MGAM2: variants seen among roughly 807,000 people sequenced by gnomAD.
MGAM2 encodes the protein probable maltase-glucoamylase 2.
Under a neutral mutation model 96.1 loss-of-function variants are expected in MGAM2, and 98 were observed. The ratio of observed to expected loss-of-function variants is 1.02; its 90% CI spans 0.87 to 1.21. MGAM2 has a LOEUF of 1.21. MGAM2 is among the 50% of genes most tolerant of loss of function. The pLI, the probability that MGAM2 is intolerant of heterozygous loss-of-function variation, is 0.00. For synonymous variants in MGAM2, 749 were observed against 414.8 expected (o/e 1.81, Z -9.79); for missense variants, 2,055 against 1,182.4 (o/e 1.74, Z -10.82).
At chr7:142,208,257 A>G (rs1187878989) in intron 45 of MGAM2, 1 of 507,262 alleles carries the variant, frequency 2.0e-6, no homozygotes, top group Non-Finnish European at 3.8e-6. Context: ...CTATGACTAC[A>G]TGCTTGCTGT....
At chr7:142,120,618 G>A (rs949824802) in intron 3 of MGAM2, among the ~76,000 whole-genome samples, 1 of 152,208 alleles carries the variant, frequency 6.6e-6, no homozygotes, top group Non-Finnish European at 1.5e-5. Context: ...TAAAGTCCAA[G>A]GTGGAGGGCG....
At chr7:142,153,146 C>T (rs114579219) in intron 15 of MGAM2, among the ~76,000 whole-genome samples, 1,870 of 152,028 alleles carry the variant, frequency 0.012, 27 homozygotes, top group African/African-American at 0.042. Context: ...GAGCTACAGG[C>T]GCACACCACC....
intron 46 of MGAM2, among the ~76,000 whole-genome samples, chr7:142,212,355 A>G (rs1040470797): frequency 1.3e-4 from 20 of 152,228 alleles, no homozygotes; most frequent in Admixed American, 5.2e-4. Flanking sequence ...AAATAACAGT[A>G]TTAACCTTAA....
Position 142,203,557 on chromosome 7 carries a change from A to G in MGAM2, c.5137+3589A>G, listed in dbSNP as rs557709360. Among the ~76,000 whole-genome samples the G allele has an allele frequency of 8.9e-4, 136 of 152,302 alleles. No individual in the cohort carries two copies. The Middle Eastern group carries it at 0.014, about 15-fold the overall frequency. On this transcript the variant is annotated intron_variant, in intron 45 of 47. Coordinates refer to ENST00000477922, the MANE Select transcript of MGAM2 (RefSeq NM_001293626.2). Reference sequence around the variant, plus strand: ...AAATAGCCAAAGCAATCCTAAGCAAAAAGAAGAAAACCAGAGGTATCACAC... The same window carrying G: ...AAATAGCCAAAGCAATCCTAAGCAAGAAGAAGAAAACCAGAGGTATCACAC...
intron 1 of MGAM2, among the ~76,000 whole-genome samples, chr7:142,113,471 T>A (rs1817244762): frequency 6.6e-6 from 1 of 152,128 alleles, no homozygotes; most frequent in Non-Finnish European, 1.5e-5. Context: ...CTGACTGAAC[T>A]GTTAACTGGC....
chr7:142,187,695 C>A, intron 35 of MGAM2, 55 bp from the exon 36 acceptor site: 1 of 695,220 alleles, frequency 1.4e-6, no homozygotes, highest in Non-Finnish European at 2.6e-6. Flanking sequence ...TCCTCTATAG[C>A]CAAGGCCATC....
At position 142,134,134 on chromosome 7, in the gene MGAM2, G is replaced by T. The variant is rs765565015; in HGVS notation, c.729G>T (p.Arg243=). 3 of 752,268 alleles carry T rather than the reference G, an allele frequency of 4.0e-6. No homozygotes were observed. Among genetic ancestry groups the T allele is most frequent in the Non-Finnish European group, 7.3e-6 (3 of 411,214 alleles). The allele number at this position is 752,268 out of a possible 1,614,324, so 46.6% of individuals were successfully genotyped here. The part of the protein sequence containing the change: ...MTWKTWPIFT[R]DATPTEGMIN... ...GGAAGACTTGGCCCATCTTCACCCG[G>T]GACGCTACCCCCACCGAGGTGAGGT... The change falls in exon 7 of 48, where the codon CGG becomes CGT. Residue 243 remains arginine (R), a synonymous_variant. Transcript: ENST00000477922.
At chr7:142,194,186 C>T (rs1295599777) in intron 37 of MGAM2, among the ~76,000 whole-genome samples, 1 of 152,140 alleles carries the variant, frequency 6.6e-6, no homozygotes, top group Admixed American at 6.5e-5. Context: ...TTGCATGCCA[C>T]CATGCCCAGC....
chr7:142,156,597 A>C (rs1387067205), intron 17 of MGAM2, among the ~76,000 whole-genome samples: 8 of 152,230 alleles, frequency 5.3e-5, no homozygotes. Context: ...CATAGTGGAC[A>C]GCACAGCTCT....
chr7:142,128,935 A>G (rs768276224), intron 3 of MGAM2, among the ~76,000 whole-genome samples: 1 of 152,188 alleles, frequency 6.6e-6, no homozygotes, highest in Non-Finnish European at 1.5e-5. Flanking sequence ...AGCCCCCAGA[A>G]TGGTAGATCC....
Position 142,170,095 on chromosome 7 carries a change from A to G in MGAM2, c.3048A>G (p.Lys1016=), listed in dbSNP as rs1350264320. The change falls in exon 27 of 48, where the codon AAA becomes AAG. Residue 1016 remains lysine, a synonymous_variant. Transcript: ENST00000477922. ...GCCAGATCTATGACCCCACTAATAA[A>G]AGGTATGAGGTTCCAGTACCACTGA... ...LQVKIYDPTN[K]RYEVPVPLNT... 5 of 701,968 alleles carry G rather than the reference A, an allele frequency of 7.1e-6. No homozygotes were observed. The highest frequency in any genetic ancestry group is 1.0e-5 in the Non-Finnish European group (4 of 384,744). The allele number at this position is 701,968 out of a possible 1,614,324, so 43.5% of individuals were successfully genotyped here.
chr7:142,158,392 C>G, intron 19 of MGAM2, 60 bp downstream of exon 19: 1 of 696,192 alleles, frequency 1.4e-6, no homozygotes. Flanking sequence ...GGTTCTATAG[C>G]TGGATAAGTT....
chr7:142,185,872 G>T, intron 34 of MGAM2, 117 bp from the exon 35 acceptor site: 1 of 561,674 alleles, frequency 1.8e-6, no homozygotes, highest in South Asian at 2.6e-5. Context: ...AACAGCAGCA[G>T]ATCTGAGATT....
intron 17 of MGAM2, among the ~76,000 whole-genome samples, chr7:142,157,689 C>T (rs1408221038): frequency 6.6e-6 from 1 of 152,044 alleles, no homozygotes; most frequent in Non-Finnish European, 1.5e-5. Flanking sequence ...TGCGCCTGGC[C>T]GATAGACACC....
intron 10 of MGAM2, among the ~76,000 whole-genome samples, chr7:142,139,614 C>T (rs971603254): frequency 1.1e-4 from 16 of 148,612 alleles, no homozygotes; most frequent in East Asian, 4.0e-4. Flanking sequence ...GAGCTGAGAT[C>T]GCGCCACTAC....
intron 34 of MGAM2, among the ~76,000 whole-genome samples, 176 bp downstream of exon 34, chr7:142,185,315 C>T (rs759978152): frequency 2.0e-5 from 3 of 152,100 alleles, no homozygotes; most frequent in South Asian, 2.1e-4. Context: ...CAACAAACAG[C>T]GAACATGGAA....
chr7:142,183,567 C>T (rs1796604742), intron 33 of MGAM2, among the ~76,000 whole-genome samples, 194 bp downstream of exon 33: 1 of 152,146 alleles, frequency 6.6e-6, no homozygotes, highest in Non-Finnish European at 1.5e-5. Flanking sequence ...TATTATTGAG[C>T]ACTGTCTATT....
intron 23 of MGAM2, among the ~76,000 whole-genome samples, chr7:142,164,362 G>C (rs950829276): frequency 1.3e-5 from 2 of 152,134 alleles, no homozygotes; most frequent in Non-Finnish European, 2.9e-5. Flanking sequence ...CTCATAGCCT[G>C]CCGTGAAAAC....
intron 3 of MGAM2, among the ~76,000 whole-genome samples, chr7:142,124,602 G>A (rs569716092): frequency 6.6e-6 from 1 of 152,104 alleles, no homozygotes; most frequent in African/African-American, 2.4e-5. Context: ...ATACCAGCCT[G>A]CCAGTTTTCT....
Sources: gnomAD v4.1 joint callset for allele counts (sites outside exome capture counted in the v4.1 genomes callset) on GRCh38, gnomAD v4.1.1 for gene constraint, MANE v1.5 for transcripts, NCBI Gene and HGNC (gene_info 2026-07-23, HGNC 2026-07-21) for gene names.